The following RIMS1 variants were observed in gnomAD, a reference collection of about 807,000 sequenced individuals.
RIMS1 encodes regulating synaptic membrane exocytosis 1.
In RIMS1, 83 loss-of-function variants were observed where a neutral mutation model predicts 214.1. That is an observed-to-expected ratio of 0.39 (90% CI 0.32 to 0.47). RIMS1 has a LOEUF of 0.47. RIMS1 is among the 20% of genes least tolerant of loss of function. The pLI is 0.99. For missense variants in RIMS1, 2,050 were observed against 2,161.8 expected, an observed-to-expected ratio of 0.95 and a Z score of 1.03; for synonymous variants, 793 against 786.8, an observed-to-expected ratio of 1.01 and a Z score of -0.13.
chr6:71,976,387 G>A (rs12663081), intron 2 of RIMS1, among the ~76,000 whole-genome samples: 14,483 of 151,888 alleles, frequency 0.095, 882 homozygotes, highest in East Asian at 0.16. Context: ...ATTTTCTTCC[G>A]TTTTAAGAAT....
Position 72,188,159 on chromosome 6 carries a change from C to G in RIMS1, c.1678+5010C>G, listed in dbSNP as rs146560101. ...GTCGGCCTTTCCCAGTCCACTGACT[C>G]AAATGTTAATCTCCTTTGGCAACAC... is the stretch of plus-strand genomic sequence containing the variant. On this transcript the variant is annotated intron_variant, in intron 6 of 33. Coordinates refer to ENST00000521978, the MANE Select transcript of RIMS1 (RefSeq NM_014989.7). 2.9e-3 allele frequency among the ~76,000 whole-genome samples: 449 copies of G among 152,292 alleles called. 1 individual carries two copies. The highest frequency in any genetic ancestry group is 0.01 in the African/African-American group (432 of 41,540).
At chr6:72,249,088 C>G (rs1189182030) in intron 12 of RIMS1, among the ~76,000 whole-genome samples, 2 of 152,148 alleles carry the variant, frequency 1.3e-5, no homozygotes, top group Admixed American at 6.5e-5. Context: ...AATTCTTAAT[C>G]TGTTCCTTAC....
At chr6:72,301,281 G>T (rs1295011160) in intron 26 of RIMS1, among the ~76,000 whole-genome samples, 1 of 151,540 alleles carries the variant, frequency 6.6e-6, no homozygotes, top group Non-Finnish European at 1.5e-5. Context: ...CAGAACTAGG[G>T]CATTTCTATG....
rs1582800213 is a variant in RIMS1, at chr6:71,886,623, G to A, written c.-401G>A. 1 of 122,666 alleles carries A rather than the reference G, an allele frequency of 8.2e-6. No homozygotes were observed. The highest frequency in any genetic ancestry group is 1.9e-5 in the Non-Finnish European group (1 of 52,628). 7.6% of individuals were successfully genotyped at this position (122,666 alleles called of 1,614,324 possible). ...CGCCCCAGTCCCAGCCCCAGCCCCA[G>A]CCCCAGCCCCGCCCCCGCCCCGCGC... On this transcript the variant is annotated 5_prime_UTR_variant, in exon 1 of 34. Transcript: ENST00000521978.
chr6:71,951,307 TG>T (rs1789438021), intron 1 of RIMS1, among the ~76,000 whole-genome samples: 1 of 152,160 alleles, frequency 6.6e-6, no homozygotes, highest in African/African-American at 2.4e-5. Context: ...GGTTTTGTTT[TG>T]TTTTTTCTTG....
chr6:71,950,216 A>C (rs1166289245), intron 1 of RIMS1, among the ~76,000 whole-genome samples: 2 of 152,158 alleles, frequency 1.3e-5, no homozygotes, highest in African/African-American at 4.8e-5. Context: ...GGAAAGGGGA[A>C]GGAGGTTGAC....
At position 72,390,845 on chromosome 6, in the gene RIMS1, A is replaced by C. The variant is rs186788056; in HGVS notation, c.4505+109A>C. On this transcript the variant is annotated intron_variant, in intron 30 of 33. Transcript: ENST00000521978. ...CTGTGCAGCTTCTCTATTTAATCAG[A>C]AGTTCAACCATCCATTTTAAACCAC... 2.4e-4 allele frequency: 327 copies of C among 1,349,166 alleles called. No individual in the cohort carries two copies. In the African/African-American group the frequency reaches 4.5e-3, roughly 18 times the overall value. 83.6% of individuals were successfully genotyped at this position (1,349,166 alleles called of 1,614,324 possible).
At chr6:72,120,826 T>C (rs1157186224) in intron 4 of RIMS1, among the ~76,000 whole-genome samples, 3 of 151,978 alleles carry the variant, frequency 2.0e-5, no homozygotes, top group Admixed American at 6.6e-5. Flanking sequence ...AATTAATTTT[T>C]TATAAGGTTT....
chr6:72,303,085 A>G (rs1005347267), intron 26 of RIMS1, among the ~76,000 whole-genome samples: 1 of 151,042 alleles, frequency 6.6e-6, no homozygotes, highest in Non-Finnish European at 1.5e-5. Context: ...TATTACTGCA[A>G]GTTTAAATTA....
chr6:72,203,267 A>G (rs536731763), intron 6 of RIMS1, among the ~76,000 whole-genome samples: 12 of 152,270 alleles, frequency 7.9e-5, no homozygotes, highest in African/African-American at 2.6e-4. Context: ...GATTACAGGC[A>G]TGAGCCACCG....
intron 29 of RIMS1, among the ~76,000 whole-genome samples, chr6:72,336,366 CTT>C (rs1483435285): frequency 9.9e-5 from 15 of 151,792 alleles, no homozygotes; most frequent in African/African-American, 2.9e-4. Flanking sequence ...CACTTAGCCT[CTT>C]TGCTTTTTTC....
intron 1 of RIMS1, among the ~76,000 whole-genome samples, chr6:71,925,186 T>C (rs959640452): frequency 5.9e-5 from 9 of 152,242 alleles, no homozygotes; most frequent in African/African-American, 2.2e-4. Flanking sequence ...ATTTTGGTAC[T>C]ATTACACCTT....
intron 1 of RIMS1, among the ~76,000 whole-genome samples, chr6:71,947,985 T>A (rs980400144): frequency 1.1e-4 from 16 of 152,248 alleles, no homozygotes; most frequent in African/African-American, 3.9e-4. Context: ...CACACTAATC[T>A]CTCATTAAAT....
At chr6:71,927,543 A>G (rs145900779) in intron 1 of RIMS1, among the ~76,000 whole-genome samples, 1 of 152,296 alleles carries the variant, frequency 6.6e-6, no homozygotes, top group Non-Finnish European at 1.5e-5. Context: ...AAGGGCATAC[A>G]GTATGAAATA....
At chr6:72,049,269 TC>T (rs1823947404) in intron 2 of RIMS1, among the ~76,000 whole-genome samples, 1 of 152,082 alleles carries the variant, frequency 6.6e-6, no homozygotes, top group African/African-American at 2.4e-5. Flanking sequence ...TTTTTTTTTT[TC>T]CTTATGTGTT....
intron 2 of RIMS1, among the ~76,000 whole-genome samples, chr6:72,085,168 A>G (rs1009089585): frequency 2.0e-5 from 3 of 152,144 alleles, no homozygotes; most frequent in African/African-American, 7.2e-5. Context: ...TCTGCTGGAC[A>G]TTTGCAATAA....
At chr6:71,899,054 A>T (rs1315862064) in intron 1 of RIMS1, among the ~76,000 whole-genome samples, 1 of 152,100 alleles carries the variant, frequency 6.6e-6, no homozygotes, top group East Asian at 1.9e-4. Context: ...TAAGTAAATT[A>T]TTGCCAGATT....
intron 1 of RIMS1, among the ~76,000 whole-genome samples, chr6:71,907,231 C>T (rs1195786363): frequency 6.6e-6 from 1 of 152,028 alleles, no homozygotes; most frequent in Non-Finnish European, 1.5e-5. Flanking sequence ...TTTGGCTTAC[C>T]CCTCAGTTTA....
At chr6:72,241,040 A>G (rs919274719) in intron 9 of RIMS1, among the ~76,000 whole-genome samples, 4 of 152,190 alleles carry the variant, frequency 2.6e-5, no homozygotes, top group Non-Finnish European at 5.9e-5. Context: ...GGTGATTACC[A>G]TAGTATTTTA....
Sources: gnomAD v4.1 joint callset for allele counts (sites outside exome capture counted in the v4.1 genomes callset) on GRCh38, gnomAD v4.1.1 for gene constraint, MANE v1.5 for transcripts, NCBI Gene and HGNC (gene_info 2026-07-23, HGNC 2026-07-21) for gene names.